Variants in CFAP144 observed in about 807,000 individuals in gnomAD.
CFAP144 encodes cilia- and flagella-associated protein 144.
At chr1:43,156,393 C>CTACTTTA in the CFAP144 span, 1 of 1,139,676 alleles carries the variant, frequency 8.8e-7, no homozygotes. Flanking sequence ...TACTTTAAAA[C>CTACTTTA]GAAGTTTCAC....
the CFAP144 span, among the ~76,000 whole-genome samples, chr1:43,153,707 G>C: frequency 1.3e-4 from 20 of 151,162 alleles, no homozygotes; most frequent in East Asian, 3.9e-3. Flanking sequence ...CATAAAAAAT[G>C]GACGTGTGAG....
At chr1:43,145,334 G>A in the CFAP144 span, 341,145 of 1,481,764 alleles carry the variant, frequency 0.23, 42,572 homozygotes, top group Middle Eastern at 0.26. Context: ...TCAAGTGAGT[G>A]CAACCCCTGA....
At chr1:43,150,030 C>G in the CFAP144 span, among the ~76,000 whole-genome samples, 1 of 152,186 alleles carries the variant, frequency 6.6e-6, no homozygotes, top group Non-Finnish European at 1.5e-5. Flanking sequence ...AGCACATTCC[C>G]TCACTTCATT....
the CFAP144 span, chr1:43,145,110 T>C: frequency 1.5e-6 from 1 of 669,126 alleles, no homozygotes; most frequent in South Asian, 1.8e-5. Flanking sequence ...TGCCAGAGAT[T>C]TCCTTTTTTT....
the CFAP144 span, chr1:43,147,703 G>A: frequency 2.9e-3 from 2,583 of 900,720 alleles, 46 homozygotes; most frequent in African/African-American, 0.043. Context: ...CGGGCCTGAG[G>A]AGCTGGGGCA....
the CFAP144 span, chr1:43,145,410 T>G: frequency 3.7e-6 from 3 of 818,878 alleles, no homozygotes; most frequent in African/African-American, 5.1e-5. Context: ...TTTCCTTTGG[T>G]CTGGTTCCTC....
chr1:43,144,025 G>GA, the CFAP144 span, among the ~76,000 whole-genome samples: 1 of 152,238 alleles, frequency 6.6e-6, no homozygotes, highest in Admixed American at 6.5e-5. Flanking sequence ...TAAATGCAGT[G>GA]AAAAGGGCTT....
the CFAP144 span, among the ~76,000 whole-genome samples, chr1:43,146,677 CACTGTGTCCCAG>C: frequency 6.6e-6 from 1 of 152,116 alleles, no homozygotes; most frequent in Non-Finnish European, 1.5e-5. Flanking sequence ...TTTTGTTCAA[CACTGTGTCCCAG>C]ACTAAACCCA....
At chr1:43,147,239 A>G in the CFAP144 span, among the ~76,000 whole-genome samples, 3 of 152,246 alleles carry the variant, frequency 2.0e-5, no homozygotes, top group African/African-American at 2.4e-5. Flanking sequence ...GAGAAGGGAA[A>G]AGGGAAACTT....
chr1:43,155,708 C>T, the CFAP144 span, among the ~76,000 whole-genome samples: 2 of 152,236 alleles, frequency 1.3e-5, no homozygotes, highest in Non-Finnish European at 2.9e-5. Context: ...GGCAGAGCCT[C>T]ACCTTGGATA....
At chr1:43,153,298 G>T in the CFAP144 span, among the ~76,000 whole-genome samples, 43,329 of 152,042 alleles carry the variant, frequency 0.28, 10,287 homozygotes, top group African/African-American at 0.65. Flanking sequence ...CTCTGAGTTC[G>T]GCTTCCTTAT....
chr1:43,143,127 T>C, the CFAP144 span, among the ~76,000 whole-genome samples: 1 of 152,090 alleles, frequency 6.6e-6, no homozygotes, highest in African/African-American at 2.4e-5. Flanking sequence ...CAAGTACACA[T>C]GTAGGAGCAA....
the CFAP144 span, chr1:43,152,823 C>A: frequency 6.2e-7 from 1 of 1,605,060 alleles, no homozygotes; most frequent in East Asian, 2.2e-5. Flanking sequence ...TACCTCGTCT[C>A]CCAGCCAGGT....
the CFAP144 span, among the ~76,000 whole-genome samples, chr1:43,151,565 A>G: frequency 2.0e-5 from 3 of 152,206 alleles, no homozygotes; most frequent in Admixed American, 6.5e-5. Context: ...TCCGAGTTCT[A>G]TAGAAAGTTA....
chr1:43,147,209 G>C, the CFAP144 span, among the ~76,000 whole-genome samples: 1 of 152,198 alleles, frequency 6.6e-6, no homozygotes, highest in Admixed American at 6.5e-5. Flanking sequence ...GAAACAAAAA[G>C]TGAAATGCCA....
the CFAP144 span, among the ~76,000 whole-genome samples, chr1:43,153,541 G>A: frequency 5.3e-5 from 8 of 151,826 alleles, no homozygotes; most frequent in African/African-American, 1.7e-4. Context: ...CCCAGGAGGC[G>A]GAGGTTGCAG....
At chr1:43,143,337 G>A in the CFAP144 span, among the ~76,000 whole-genome samples, 48,657 of 151,990 alleles carry the variant, frequency 0.32, 8,415 homozygotes, top group African/African-American at 0.42. Flanking sequence ...GGAACTGTCC[G>A]TAAAGAAGCA....
chr1:43,146,284 A>G, the CFAP144 span, among the ~76,000 whole-genome samples: 11 of 152,328 alleles, frequency 7.2e-5, no homozygotes, highest in East Asian at 1.7e-3. Flanking sequence ...TCATTGACAA[A>G]TTGGATATAC....
chr1:43,155,953 TGG>T, the CFAP144 span, among the ~76,000 whole-genome samples: 1 of 152,278 alleles, frequency 6.6e-6, no homozygotes. Context: ...TAGCATGCGC[TGG>T]GTCTTGCTCT....
Sources: allele counts gnomAD v4.1 joint callset (sites outside exome capture counted in the v4.1 genomes callset), GRCh38; gene constraint gnomAD v4.1.1; transcripts MANE v1.5; gene names NCBI Gene and HGNC (gene_info 2026-07-23, HGNC 2026-07-21).